FRMPD4: variants seen among roughly 807,000 people sequenced by gnomAD.
FRMPD4 encodes FERM and PDZ domain containing 4, also known as FERM and PDZ domain-containing protein 4.
A neutral mutation model predicts 94.1 loss-of-function variants in FRMPD4; 22 were observed. The ratio of observed to expected loss-of-function variants is 0.23; its 90% confidence interval spans 0.17 to 0.33. The LOEUF (loss-of-function observed/expected upper bound fraction) is 0.33, where lower values mean the gene tolerates loss of function less well. FRMPD4 is among the 10% of genes least tolerant of loss of function. The pLI is 1.00. For synonymous variants in FRMPD4, 631 were observed against 548.6 expected (o/e 1.15, Z -2.10); for missense variants, 1,111 against 1,339.9 (o/e 0.83, Z 2.67).
At chrX:12,566,800 T>G (rs1026046218) in intron 2 of FRMPD4, among the ~76,000 whole-genome samples, 6 of 111,804 alleles carry the variant, frequency 5.4e-5, no homozygotes, top group Non-Finnish European at 1.1e-4. Context: ...TTGGGGAACA[T>G]TTTTTGAGGA....
intron 3 of FRMPD4, among the ~76,000 whole-genome samples, chrX:11,988,076 G>GA (rs71103359): frequency 0.08 from 8,828 of 110,921 alleles, 351 homozygotes; most frequent in Non-Finnish European, 0.12. Context: ...CACAGAAATA[G>GA]AAAAAAACAA....
rs1473412873 is a variant in FRMPD4 at position 12,720,521 on chromosome X, A to G, written c.3965-13A>G. The G allele has an allele frequency of 8.3e-7, 1 of 1,205,795 alleles. No individual in the cohort carries two copies. The highest frequency in any genetic ancestry group is 3.0e-5 in the East Asian group (1 of 33,778). On this transcript the variant is annotated splice_polypyrimidine_tract_variant and intron_variant, in intron 16 of 16. Coordinates refer to ENST00000675598, the MANE Select transcript of FRMPD4 (RefSeq NM_001368397.1). ...TAATGATTCTCTCTGTTTTTCTACT[A>G]CCCCTAGTGTAGCTTTGACAGAGCC...
At chrX:12,494,945 G>A (rs1220549428) in intron 1 of FRMPD4, 3 of 438,648 alleles carry the variant, frequency 6.8e-6, no homozygotes, top group African/African-American at 2.7e-5. Flanking sequence ...TTTGAAAGTG[G>A]TTCACACAGC....
At chrX:12,020,576 T>A (rs755441011) in intron 3 of FRMPD4, among the ~76,000 whole-genome samples, 5 of 111,807 alleles carry the variant, frequency 4.5e-5, no homozygotes, top group Non-Finnish European at 9.4e-5. Flanking sequence ...TGGTGCACAT[T>A]ACTCTACTGG....
rs937005363 is a variant in FRMPD4, at chrX:12,006,038, C to A, written c.95+128020C>A. Among the ~76,000 whole-genome samples the A allele has an allele frequency of 1.8e-4, 20 of 111,175 alleles. No individual in the cohort carries two copies. In the Admixed American group the frequency reaches 1.9e-3, roughly 11 times the overall value. On this transcript the variant is annotated intron_variant, in intron 3 of 18. Coordinates refer to the FRMPD4 transcript ENST00000640291. ...AATGGTAATGATTGTAGCCTTGGTA[C>A]AATGAACCCATTTGCCTCCCTTCTA...
At chrX:12,580,317 T>C (rs1908321976) in intron 2 of FRMPD4, among the ~76,000 whole-genome samples, 1 of 111,466 alleles carries the variant, frequency 9.0e-6, no homozygotes, top group African/African-American at 3.3e-5. Context: ...AGAAATCCCA[T>C]AAAGGAGAAA....
chrX:11,941,501 A>G (rs141922000), intron 3 of FRMPD4, among the ~76,000 whole-genome samples: 2,516 of 111,953 alleles, frequency 0.022, 66 homozygotes, highest in African/African-American at 0.078. Context: ...ATGCCACTTT[A>G]TATCTGTAGG....
At chrX:12,450,353 G>A (rs916669217) in intron 1 of FRMPD4, among the ~76,000 whole-genome samples, 20 of 111,281 alleles carry the variant, frequency 1.8e-4, no homozygotes, top group Non-Finnish European at 3.4e-4. Context: ...GTTGGACACT[G>A]CACAGTCACC....
chrX:11,976,959 A>G (rs148377530), intron 3 of FRMPD4, among the ~76,000 whole-genome samples: 5 of 111,057 alleles, frequency 4.5e-5, no homozygotes, highest in African/African-American at 1.3e-4. Context: ...TTTCCATTGC[A>G]TGGGATCATA....
intron 1 of FRMPD4, among the ~76,000 whole-genome samples, chrX:12,174,553 C>T (rs777426174): frequency 9.8e-5 from 11 of 111,891 alleles, no homozygotes; most frequent in African/African-American, 3.6e-4. Context: ...CCCTGGCTTC[C>T]TCTCTACTCC....
At chrX:12,232,697 C>T (rs1278054866) in intron 1 of FRMPD4, among the ~76,000 whole-genome samples, 1 of 111,738 alleles carries the variant, frequency 8.9e-6, no homozygotes, top group African/African-American at 3.3e-5. Flanking sequence ...CTAAATTGTG[C>T]TGTATGTGCA....
In FRMPD4 at chrX:12,707,488, A is replaced by G; in HGVS notation, c.1307A>G (p.Glu436Gly). 8.3e-7 allele frequency: 1 copy of G among 1,202,327 alleles called. No individual in the cohort carries two copies. Among genetic ancestry groups the G allele is most frequent in the Non-Finnish European group, 1.1e-6 (1 of 891,197 alleles). ...ATLVQAEKRS[E>G]VTLLVGPRYG... ...TCTCAGCAGGCAGAAAAGCGCTCGG[A>G]AGTGACTCTCCTGGTTGGGCCCCGG... Residue 436 changes from glutamate (E) to glycine (G), a missense_variant, in exon 13 of 17, where the codon GAA becomes GGA. Transcript: ENST00000675598.
At chrX:12,028,758 C>A (rs2054675494) in intron 3 of FRMPD4, among the ~76,000 whole-genome samples, 1 of 111,742 alleles carries the variant, frequency 8.9e-6, no homozygotes, top group African/African-American at 3.3e-5. Flanking sequence ...AGATTGGCTT[C>A]TTTCACTTAG....
At chrX:12,598,584 C>T (rs925447542) in intron 2 of FRMPD4, among the ~76,000 whole-genome samples, 1 of 111,261 alleles carries the variant, frequency 9.0e-6, no homozygotes, top group African/African-American at 3.3e-5. Flanking sequence ...GGGTTGAGGG[C>T]AGGGAGATGA....
At chrX:12,029,419 CTT>C (rs748285138) in intron 3 of FRMPD4, among the ~76,000 whole-genome samples, 1 of 111,926 alleles carries the variant, frequency 8.9e-6, no homozygotes, top group South Asian at 3.7e-4. Context: ...AGTGGCATAT[CTT>C]TTCATTCTGT....
At chrX:12,489,303 A>C (rs1204853695) in intron 1 of FRMPD4, among the ~76,000 whole-genome samples, 1 of 112,164 alleles carries the variant, frequency 8.9e-6, no homozygotes, top group Admixed American at 9.5e-5. Flanking sequence ...TAACCCATAA[A>C]ATTCAAAAAT....
At chrX:12,660,598 T>C (rs1344917234) in intron 4 of FRMPD4, among the ~76,000 whole-genome samples, 1 of 112,810 alleles carries the variant, frequency 8.9e-6, no homozygotes, top group Non-Finnish European at 1.9e-5. Context: ...ATTTCAAAAC[T>C]GTTTGACTGT....
chrX:11,847,886 G>T (rs1464726605), intron 1 of FRMPD4, among the ~76,000 whole-genome samples: 2 of 66,589 alleles, frequency 3.0e-5, no homozygotes, highest in African/African-American at 6.1e-5. Flanking sequence ...CTGTTGTGGG[G>T]TCGGGGGAGG....
At chrX:11,852,282 A>G (rs2053627686) in intron 1 of FRMPD4, among the ~76,000 whole-genome samples, 1 of 108,955 alleles carries the variant, frequency 9.2e-6, no homozygotes, top group South Asian at 4.1e-4. Flanking sequence ...TCTGAGTAAT[A>G]TGGGCCACAC....
Sources: allele counts gnomAD v4.1 joint callset (sites outside exome capture counted in the v4.1 genomes callset), GRCh38; gene constraint gnomAD v4.1.1; transcripts MANE v1.5; gene names NCBI Gene and HGNC (gene_info 2026-07-23, HGNC 2026-07-21).